The following SENP6 variants were observed in gnomAD, a reference collection of about 807,000 sequenced individuals.
SENP6 encodes sentrin-specific protease 6.
In SENP6, 41 loss-of-function variants were observed where a neutral mutation model predicts 134.5. The ratio of observed to expected loss-of-function variants is 0.30; its 90% confidence interval spans 0.24 to 0.40. SENP6 has a LOEUF of 0.40. SENP6 is among the 10% of genes least tolerant of loss of function. The pLI, the probability that SENP6 is intolerant of heterozygous loss-of-function variation, is 1.00. For synonymous variants in SENP6, 395 were observed against 429.8 expected (o/e 0.92, Z 1.00); for missense variants, 1,248 against 1,312.5 (o/e 0.95, Z 0.76).
chr6:75,624,219 A>G (rs145070909), intron 3 of SENP6, among the ~76,000 whole-genome samples: 8 of 152,196 alleles, frequency 5.3e-5, no homozygotes, highest in African/African-American at 9.6e-5. Flanking sequence ...AACTTAATAT[A>G]TTATCTTGGA....
intron 4 of SENP6, among the ~76,000 whole-genome samples, chr6:75,634,243 T>A (rs1048491057): frequency 1.3e-5 from 2 of 152,180 alleles, no homozygotes; most frequent in Non-Finnish European, 2.9e-5. Context: ...TCAGTAACTT[T>A]CAAGTCAGTG....
intron 1 of SENP6, among the ~76,000 whole-genome samples, chr6:75,620,260 A>G (rs1403386176): frequency 6.6e-6 from 1 of 152,120 alleles, no homozygotes; most frequent in Non-Finnish European, 1.5e-5. Context: ...TTCTGGCTAC[A>G]AACCCTAGTT....
chr6:75,682,789 T>G (rs1773556202), intron 16 of SENP6, among the ~76,000 whole-genome samples: 1 of 152,242 alleles, frequency 6.6e-6, no homozygotes, highest in African/African-American at 2.4e-5. Flanking sequence ...CCACATTTCC[T>G]TAATCCAGTC....
intron 16 of SENP6, among the ~76,000 whole-genome samples, chr6:75,689,720 A>G (rs917076261): frequency 2.6e-5 from 4 of 152,160 alleles, no homozygotes; most frequent in Non-Finnish European, 5.9e-5. Context: ...GGTATTCAGT[A>G]CGGTAACATA....
At chr6:75,669,485 A>T (rs1396149232) in intron 10 of SENP6, among the ~76,000 whole-genome samples, 3 of 152,268 alleles carry the variant, frequency 2.0e-5, no homozygotes, top group Non-Finnish European at 4.4e-5. Flanking sequence ...GATGGTAGAA[A>T]TACCTTTAGA....
Position 75,715,580 on chromosome 6 carries a change from A to G in SENP6, c.3325A>G (p.Ser1109Gly), listed in dbSNP as rs1418342333. ...LGEGTEQYVN[S>G]ISD ...CGAAGGAACAGAACAATATGTCAAT[A>G]GTATCTCAGATTGACCATTTCTGTT... is the stretch of plus-strand genomic sequence containing the variant. Residue 1109 changes from serine to glycine, a missense_variant, in exon 24 of 24, where the codon AGT (serine) becomes GGT (glycine). By Grantham distance (56) the Ser-to-Gly change is moderately conservative. Transcript: ENST00000447266. 4 of 1,607,380 alleles carry G rather than the reference A, an allele frequency of 2.5e-6. No individual in the cohort carries two copies. The highest frequency in any genetic ancestry group is 2.6e-6 in the Non-Finnish European group (3 of 1,175,540).
At chr6:75,703,573 C>A (rs965030690) in intron 19 of SENP6, among the ~76,000 whole-genome samples, 2 of 152,030 alleles carry the variant, frequency 1.3e-5, no homozygotes, top group African/African-American at 4.8e-5. Flanking sequence ...CCAGCCTGGG[C>A]AACATGGTAA....
intron 16 of SENP6, among the ~76,000 whole-genome samples, chr6:75,693,541 A>G (rs115890762): frequency 0.02 from 2,999 of 152,128 alleles, 108 homozygotes; most frequent in African/African-American, 0.068. Context: ...TGAAGATACT[A>G]TTGTAGAATT....
At position 75,715,547 on chromosome 6, in the gene SENP6, C is replaced by A. The variant is rs774392962; in HGVS notation, c.3292C>A (p.Pro1098Thr). The A allele has an allele frequency of 2.5e-6, 4 of 1,613,146 alleles. No homozygotes were observed. The highest frequency in any genetic ancestry group is 3.4e-6 in the Non-Finnish European group (4 of 1,179,410). Residue 1098 changes from proline to threonine, a missense_variant, in exon 24 of 24, where the codon CCT (proline) becomes ACT (threonine). This residue lies in a region of SENP6 where 386 missense variants were observed against 395.0 expected (regional missense o/e 0.98). Transcript: ENST00000447266. ...KHKDTYSTEA[P>T]LGEGTEQYVN... ...TAAGGACACTTACTCAACAGAAGCA[C>A]CTTTAGGCGAAGGAACAGAACAATA...
intron 1 of SENP6, among the ~76,000 whole-genome samples, chr6:75,620,948 C>T (rs1768221193): frequency 6.6e-6 from 1 of 152,100 alleles, no homozygotes; most frequent in Non-Finnish European, 1.5e-5. Context: ...TCTCTGGGTT[C>T]CCACTTTCTA....
At chr6:75,666,131 GTATATATGATATATATAAAACA>G (rs1772199118) in intron 9 of SENP6, among the ~76,000 whole-genome samples, 1 of 128,344 alleles carries the variant, frequency 7.8e-6, no homozygotes, top group East Asian at 2.4e-4. Context: ...TATATAAAAC[GTATATATGATATATATAAAACA>G]TATATGATAT....
At position 75,707,940 on chromosome 6, in the gene SENP6, C is replaced by T. The variant is rs563669494; in HGVS notation, c.2717-1587C>T. On this transcript the variant is annotated intron_variant, in intron 19 of 23. Transcript: ENST00000447266. ...TCAGGTGATCCTCCTGCCTCAGCCT[C>T]CCAAAGTGCTAGAGGATTACAGGTG... Among the ~76,000 whole-genome samples, 4 of 152,258 alleles carry T rather than the reference C, an allele frequency of 2.6e-5. No individual in the cohort carries two copies. The South Asian group carries it at 8.3e-4, about 32-fold the overall frequency.
chr6:75,655,767 G>A (rs1771275455), intron 7 of SENP6, among the ~76,000 whole-genome samples: 1 of 152,086 alleles, frequency 6.6e-6, no homozygotes. Context: ...GAATAAAGCT[G>A]CTATGAACAT....
intron 6 of SENP6, 23 bp from the exon 7 acceptor site, chr6:75,647,708 A>G: frequency 6.6e-7 from 1 of 1,514,146 alleles, no homozygotes; most frequent in South Asian, 1.1e-5. Flanking sequence ...GTTAGAATAA[A>G]ACTACATAAA....
chr6:75,711,731 G>T (rs1427576253), intron 21 of SENP6, among the ~76,000 whole-genome samples: 1 of 152,160 alleles, frequency 6.6e-6, no homozygotes, highest in Non-Finnish European at 1.5e-5. Flanking sequence ...GGAGTGCAGT[G>T]GCACGATCCC....
intron 16 of SENP6, among the ~76,000 whole-genome samples, chr6:75,694,337 CTT>C (rs1344562323): frequency 2.0e-5 from 3 of 152,202 alleles, no homozygotes; most frequent in Non-Finnish European, 2.9e-5. Flanking sequence ...AGTTCTTTCT[CTT>C]TATTTTCTAT....
chr6:75,602,317 TGCCCGCCAGCCCGCGGACAGGCCCGG>T lies in SENP6; in HGVS notation c.-205_-180del. ...GAGAAGCTCGGGCCGCGGGCCTCGC[TGCCCGCCAGCCCGCGGACAGGCCCGG>T]GCGCGCCTGGCCTGCCTTTGTATAG... On this transcript the variant is annotated 5_prime_UTR_variant, in exon 1 of 24. Coordinates refer to ENST00000447266, the MANE Select transcript of SENP6 (RefSeq NM_015571.4). 1 of 475,702 alleles carries T rather than the reference TGCCCGCCAGCCCGCGGACAGGCCCGG, an allele frequency of 2.1e-6. No homozygotes were observed. Among genetic ancestry groups the T allele is most frequent in the South Asian group, 3.4e-5 (1 of 29,232 alleles). 29.5% of individuals were successfully genotyped at this position (475,702 alleles called of 1,614,324 possible).
At chr6:75,688,828 G>A (rs1199849135) in intron 16 of SENP6, among the ~76,000 whole-genome samples, 1 of 152,226 alleles carries the variant, frequency 6.6e-6, no homozygotes, top group Non-Finnish European at 1.5e-5. Flanking sequence ...AGCACTTTGG[G>A]AAGCCGAGGC....
chr6:75,714,630 CAT>C (rs1330887480), intron 23 of SENP6, among the ~76,000 whole-genome samples: 2 of 152,170 alleles, frequency 1.3e-5, no homozygotes, highest in African/African-American at 4.8e-5. Flanking sequence ...AAATCTTTCA[CAT>C]GATTGATAAG....
Sources: gnomAD v4.1 joint callset for allele counts (sites outside exome capture counted in the v4.1 genomes callset) on GRCh38, gnomAD v4.1.1 for gene constraint, gnomAD v4.1.1 regional missense constraint, MANE v1.5 for transcripts, NCBI Gene and HGNC (gene_info 2026-07-23, HGNC 2026-07-21) for gene names.